The following NTN1 variants were observed in gnomAD, a reference collection of about 807,000 sequenced individuals.
NTN1 encodes netrin-1.
Under a neutral mutation model 54.2 loss-of-function variants are expected in NTN1, and 11 were observed. The observed-to-expected ratio is 0.20, with a 90% CI of 0.13 to 0.34. NTN1 has a LOEUF of 0.34. Ranked by LOEUF, NTN1 falls within the 10% of genes least tolerant of loss-of-function variation. The pLI is 1.00. For synonymous variants in NTN1, 371 were observed against 382.0 expected (o/e 0.97, Z 0.33); for missense variants, 740 against 893.1 (o/e 0.83, Z 2.18).
Position 9,099,174 on chromosome 17 carries a change from C to T in NTN1, c.1019-63639C>T, listed in dbSNP as rs566717023. Among the ~76,000 whole-genome samples the T allele has an allele frequency of 4.6e-5, 7 of 152,318 alleles. No homozygotes were observed. The East Asian group carries it at 5.8e-4, about 13-fold the overall frequency. On this transcript the variant is annotated intron_variant, in intron 2 of 6. Transcript: ENST00000173229. ...ATCCCAGCACTTTGGGAGGCTGAGG[C>T]GGGTGGATCACCTGAGGTCAGGATT... is the stretch of plus-strand genomic sequence containing the variant.
At chr17:9,132,954 C>T (rs2092270282) in intron 2 of NTN1, among the ~76,000 whole-genome samples, 3 of 152,136 alleles carry the variant, frequency 2.0e-5, no homozygotes, top group South Asian at 2.1e-4. Context: ...CTGAGTGTGG[C>T]CCAGCCTGAC....
intron 4 of NTN1, among the ~76,000 whole-genome samples, chr17:9,181,479 G>A (rs1456568358): frequency 6.6e-6 from 1 of 152,156 alleles, no homozygotes; most frequent in Non-Finnish European, 1.5e-5. Flanking sequence ...GTTCCTGCTG[G>A]GACCAGGTGG....
chr17:9,242,746 T>C lies in NTN1; in HGVS notation c.*2778T>C, dbSNP rs1209266026. 1 of 152,466 alleles carries C rather than the reference T, an allele frequency of 6.6e-6. No individual in the cohort carries two copies. Among genetic ancestry groups the C allele is most frequent in the Non-Finnish European group, 1.5e-5 (1 of 68,214 alleles). 9.4% of individuals were successfully genotyped at this position (152,466 alleles called of 1,614,324 possible). On this transcript the variant is annotated 3_prime_UTR_variant, in exon 7 of 7. Coordinates refer to ENST00000173229, the MANE Select transcript of NTN1 (RefSeq NM_004822.3). Reference sequence around the variant, plus strand: ...TTGGGATTGCACGGTCGTCACGAGCTGCCTTTCCTATCCACACACCCAGCC... The same window carrying C: ...TTGGGATTGCACGGTCGTCACGAGCCGCCTTTCCTATCCACACACCCAGCC...
chr17:9,179,306 C>T (rs2092410886), intron 3 of NTN1, among the ~76,000 whole-genome samples: 1 of 152,226 alleles, frequency 6.6e-6, no homozygotes, highest in African/African-American at 2.4e-5. Context: ...CTGTGACTCC[C>T]TCTAACCTGG....
intron 2 of NTN1, among the ~76,000 whole-genome samples, chr17:9,123,941 C>T (rs534935366): frequency 9.2e-5 from 14 of 152,276 alleles, no homozygotes; most frequent in East Asian, 3.9e-4. Flanking sequence ...TTACTGTCCT[C>T]GCTGGTGAGA....
At chr17:9,044,272 C>A (rs1408076795) in intron 2 of NTN1, among the ~76,000 whole-genome samples, 1 of 151,060 alleles carries the variant, frequency 6.6e-6, no homozygotes, top group Non-Finnish European at 1.5e-5. Context: ...TCTCACTCTG[C>A]GGCCCAGGCT....
At chr17:9,045,881 C>G (rs888652179) in intron 2 of NTN1, among the ~76,000 whole-genome samples, 2 of 152,146 alleles carry the variant, frequency 1.3e-5, no homozygotes, top group Non-Finnish European at 2.9e-5. Flanking sequence ...AGAGATCCAT[C>G]AGAGACTTAA....
chr17:9,205,042 C>A (rs1168178437), intron 5 of NTN1, among the ~76,000 whole-genome samples: 1 of 151,948 alleles, frequency 6.6e-6, no homozygotes, highest in South Asian at 2.1e-4. Flanking sequence ...GCTTTCATTA[C>A]CATTAAGAGC....
chr17:9,166,774 C>G (rs935904139), intron 3 of NTN1, among the ~76,000 whole-genome samples: 2 of 152,150 alleles, frequency 1.3e-5, no homozygotes, highest in Admixed American at 6.5e-5. Context: ...GTTCTTGACT[C>G]CCAAATTGGC....
At chr17:9,227,008 C>T (rs1905589382) in intron 6 of NTN1, among the ~76,000 whole-genome samples, 1 of 152,126 alleles carries the variant, frequency 6.6e-6, no homozygotes, top group Admixed American at 6.5e-5. Context: ...GGCGGAGCCC[C>T]TCTGCCTCCT....
intron 2 of NTN1, among the ~76,000 whole-genome samples, chr17:9,104,600 T>C (rs914429456): frequency 6.6e-6 from 1 of 152,162 alleles, no homozygotes; most frequent in African/African-American, 2.4e-5. Context: ...TCAGCCCTGC[T>C]GGGCACAAGG....
the NTN1 span, among the ~76,000 whole-genome samples, chr17:9,012,410 C>T: frequency 6.6e-6 from 1 of 152,074 alleles, no homozygotes; most frequent in African/African-American, 2.4e-5. Context: ...ACTTGGGAGG[C>T]TGAGGCAGGA....
rs1431427507 is a variant in NTN1 at position 9,211,069 on chromosome 17, A to G, written c.1412-10099A>G. ...AAAACCAGCCACAGGCCCACCACCCAACATTTCTGGCACATGCTATTCTTC... is the reference window on the plus strand; with the variant it reads ...AAAACCAGCCACAGGCCCACCACCCGACATTTCTGGCACATGCTATTCTTC... On this transcript the variant is annotated intron_variant, in intron 5 of 6. Coordinates refer to ENST00000173229, the MANE Select transcript of NTN1 (RefSeq NM_004822.3). The surrounding 1 kb of genome is among the most constrained non-coding windows in gnomAD (Gnocchi z 4.4). Among the ~76,000 whole-genome samples, 1 of 152,126 alleles carries G rather than the reference A, an allele frequency of 6.6e-6. No homozygotes were observed. Among genetic ancestry groups the G allele is most frequent in the Non-Finnish European group, 1.5e-5 (1 of 68,022 alleles).
chr17:9,037,206 AT>A (rs1331438652), intron 2 of NTN1, among the ~76,000 whole-genome samples: 2 of 152,218 alleles, frequency 1.3e-5, no homozygotes. Flanking sequence ...AATTGAAATC[AT>A]ACTGTATGTT....
intron 3 of NTN1, 111 bp from the exon 4 acceptor site, chr17:9,179,696 C>T: frequency 2.2e-6 from 3 of 1,353,990 alleles, no homozygotes; most frequent in East Asian, 2.5e-5. Context: ...CCCATCGCTG[C>T]TCTTCCTCCA....
At chr17:9,207,900 C>T (rs966796068) in intron 5 of NTN1, among the ~76,000 whole-genome samples, 1 of 152,230 alleles carries the variant, frequency 6.6e-6, no homozygotes, top group African/African-American at 2.4e-5. Flanking sequence ...CAGCCCAACT[C>T]GTGCCCTCTT....
chr17:9,091,719 C>T (rs979476524), intron 2 of NTN1, among the ~76,000 whole-genome samples: 1 of 151,828 alleles, frequency 6.6e-6, no homozygotes. Flanking sequence ...TCCCAGAGTG[C>T]TGGGATTACA....
rs933945964 is a variant in NTN1 at position 9,033,207 on chromosome 17, G to A, written c.1018+9816G>A. Among the ~76,000 whole-genome samples, 8 of 152,092 alleles carry A rather than the reference G, an allele frequency of 5.3e-5. No individual in the cohort carries two copies. In the East Asian group the frequency reaches 1.6e-3, roughly 29 times the overall value. On this transcript the variant is annotated intron_variant, in intron 2 of 6. Transcript: ENST00000173229. Reference sequence around the variant, plus strand: ...GACCTTAGGTGATCCACCCTCCTTGGCCTCCAAAAGTGCTGGGATTATAGG... The same window carrying A: ...GACCTTAGGTGATCCACCCTCCTTGACCTCCAAAAGTGCTGGGATTATAGG...
intron 2 of NTN1, among the ~76,000 whole-genome samples, chr17:9,043,490 A>G (rs1597467554): frequency 1.3e-5 from 2 of 152,208 alleles, no homozygotes; most frequent in South Asian, 4.1e-4. Context: ...TCAGTTTTCA[A>G]AGCGGGTTCT....
Sources: allele counts gnomAD v4.1 joint callset (sites outside exome capture counted in the v4.1 genomes callset), GRCh38; gene constraint gnomAD v4.1.1; non-coding constraint Gnocchi (gnomAD v3.1); transcripts MANE v1.5; gene names NCBI Gene and HGNC (gene_info 2026-07-23, HGNC 2026-07-21).